TANC2: variants seen among roughly 807,000 people sequenced by gnomAD.
TANC2 encodes protein TANC2.
In TANC2, 26 loss-of-function variants were observed where a neutral mutation model predicts 210.5. The observed-to-expected ratio is 0.12, with a 90% CI of 0.09 to 0.17. The LOEUF (loss-of-function observed/expected upper bound fraction) is 0.17. Among genes scored for constraint, TANC2 ranks in the 10% least tolerant of loss-of-function variants. TANC2 has a pLI of 1.00. For missense variants in TANC2, 2,129 were observed against 2,608.9 expected (o/e 0.82, Z 4.01); for synonymous variants, 931 against 967.1 (o/e 0.96, Z 0.69).
At chr17:63,099,796 A>G (rs1287203069) in intron 4 of TANC2, among the ~76,000 whole-genome samples, 1 of 152,072 alleles carries the variant, frequency 6.6e-6, no homozygotes, top group African/African-American at 2.4e-5. Context: ...TTTTTTTAAA[A>G]GATAATTTAG....
intron 9 of TANC2, among the ~76,000 whole-genome samples, chr17:63,285,875 T>G (rs974193406): frequency 1.3e-5 from 2 of 152,116 alleles, no homozygotes; most frequent in African/African-American, 4.8e-5. Flanking sequence ...TTATACAAAC[T>G]GTTTAGGTAC....
At chr17:63,031,216 T>G (rs2034757321) in intron 2 of TANC2, among the ~76,000 whole-genome samples, 1 of 152,094 alleles carries the variant, frequency 6.6e-6, no homozygotes, top group Non-Finnish European at 1.5e-5. Flanking sequence ...ATTTAATTTC[T>G]TTCCTAAATG....
intron 19 of TANC2, among the ~76,000 whole-genome samples, chr17:63,399,954 A>C (rs1239035604): frequency 6.6e-6 from 1 of 152,228 alleles, no homozygotes. Flanking sequence ...CTGCAGCTTA[A>C]GAGTCCATGA....
chr17:63,179,457 T>G (rs1401162800), intron 5 of TANC2, among the ~76,000 whole-genome samples: 1 of 152,204 alleles, frequency 6.6e-6, no homozygotes, highest in Non-Finnish European at 1.5e-5. Flanking sequence ...TCGTGAAGAT[T>G]AAATGATTTA....
intron 2 of TANC2, among the ~76,000 whole-genome samples, chr17:63,046,065 C>T (rs2144320321): frequency 6.6e-6 from 1 of 152,124 alleles, no homozygotes; most frequent in Admixed American, 6.5e-5. Flanking sequence ...CAAAATGTAA[C>T]ACTCAAGAAC....
At chr17:63,003,132 G>A (rs1346330898) in intron 1 of TANC2, among the ~76,000 whole-genome samples, 1 of 152,098 alleles carries the variant, frequency 6.6e-6, no homozygotes, top group East Asian at 1.9e-4. Context: ...ATTTGATATT[G>A]TCAAACTTTT....
intron 2 of TANC2, among the ~76,000 whole-genome samples, chr17:63,034,282 A>G (rs1401684430): frequency 1.3e-5 from 2 of 152,170 alleles, no homozygotes; most frequent in Admixed American, 1.3e-4. Context: ...GAATGATGCT[A>G]AATATACTCT....
chr17:63,366,480 T>A (rs1195464361), intron 14 of TANC2, among the ~76,000 whole-genome samples: 2 of 152,212 alleles, frequency 1.3e-5, no homozygotes, highest in East Asian at 3.8e-4. Flanking sequence ...TGTTTCAAAC[T>A]GACATTTCAG....
At chr17:63,215,953 G>A (rs1401135251) in intron 7 of TANC2, among the ~76,000 whole-genome samples, 6 of 151,860 alleles carry the variant, frequency 4.0e-5, no homozygotes, top group Non-Finnish European at 5.9e-5. Context: ...GGGTTTCACC[G>A]TGTTAGCCAG....
intron 2 of TANC2, among the ~76,000 whole-genome samples, chr17:63,045,904 T>C (rs1441684604): frequency 6.6e-6 from 1 of 152,132 alleles, no homozygotes; most frequent in Non-Finnish European, 1.5e-5. Flanking sequence ...GCCTTCCAAG[T>C]AGCTGGGACT....
chr17:63,184,157 A>G (rs899129785), intron 5 of TANC2, among the ~76,000 whole-genome samples: 3 of 152,228 alleles, frequency 2.0e-5, no homozygotes, highest in Non-Finnish European at 2.9e-5. Flanking sequence ...TTGATTTCTA[A>G]TATTATGTCT....
At chr17:63,170,011 C>G (rs1269082523) in intron 5 of TANC2, among the ~76,000 whole-genome samples, 2 of 148,048 alleles carry the variant, frequency 1.4e-5, no homozygotes, top group Non-Finnish European at 3.0e-5. Context: ...CCCAGCTACT[C>G]GGGAGGCTGA....
chr17:63,137,309 G>A (rs1428333440), intron 4 of TANC2, among the ~76,000 whole-genome samples: 2 of 152,136 alleles, frequency 1.3e-5, no homozygotes, highest in Non-Finnish European at 2.9e-5. Context: ...CAGCTACTTG[G>A]CCTGACTGTT....
chr17:63,235,865 GT>G (rs1395279417), intron 7 of TANC2, among the ~76,000 whole-genome samples: 1 of 151,936 alleles, frequency 6.6e-6, no homozygotes, highest in Non-Finnish European at 1.5e-5. Context: ...AGATGTTAAT[GT>G]TTTTAATCCT....
chr17:63,330,804 G>A (rs143690576), intron 11 of TANC2, among the ~76,000 whole-genome samples: 20 of 152,178 alleles, frequency 1.3e-4, no homozygotes, highest in African/African-American at 7.2e-5. Flanking sequence ...GGCGGAGCGC[G>A]GTGGCTCCTG....
chr17:63,034,069 T>C (rs2034878945), intron 2 of TANC2, among the ~76,000 whole-genome samples: 1 of 152,168 alleles, frequency 6.6e-6, no homozygotes, highest in Non-Finnish European at 1.5e-5. Context: ...ATGGTTACAC[T>C]AAACAACAGA....
intron 1 of TANC2, among the ~76,000 whole-genome samples, chr17:62,980,019 CTT>C (rs2032221197): frequency 3.3e-5 from 5 of 152,244 alleles, no homozygotes. Flanking sequence ...CTTCGTCTCT[CTT>C]GTCTGACCCC....
intron 1 of TANC2, among the ~76,000 whole-genome samples, chr17:63,004,283 A>G (rs1428021011): frequency 5.9e-5 from 9 of 152,172 alleles, no homozygotes; most frequent in East Asian, 3.9e-4. Flanking sequence ...CTGGTAACCA[A>G]TTACTGGGGC....
At chr17:63,124,781 C>T (rs1328545312) in intron 4 of TANC2, among the ~76,000 whole-genome samples, 2 of 152,186 alleles carry the variant, frequency 1.3e-5, no homozygotes, top group Non-Finnish European at 2.9e-5. Context: ...CCTGTCAGAT[C>T]AGCAGAGGCA....
Sources: gnomAD v4.1 joint callset for allele counts (sites outside exome capture counted in the v4.1 genomes callset) on GRCh38, gnomAD v4.1.1 for gene constraint, MANE v1.5 for transcripts, NCBI Gene and HGNC (gene_info 2026-07-23, HGNC 2026-07-21) for gene names.